ARPP21: variants seen among roughly 807,000 people sequenced by gnomAD.
ARPP21 encodes cAMP-regulated phosphoprotein 21.
In ARPP21, 69 loss-of-function variants were observed where a neutral mutation model predicts 113.2. That is an observed-to-expected ratio of 0.61 (90% CI 0.50 to 0.74). The LOEUF is 0.74. Ranked by LOEUF, ARPP21 falls within the 30% of genes least tolerant of loss-of-function variation. The pLI, the probability that ARPP21 is intolerant of heterozygous loss-of-function variation, is 0.00. For synonymous variants in ARPP21, 368 were observed against 375.5 expected (o/e 0.98, Z 0.23); for missense variants, 1,070 against 1,037.4 (o/e 1.03, Z -0.43).
At chr3:35,699,151 A>G (rs1339192511) in intron 9 of ARPP21, among the ~76,000 whole-genome samples, 4 of 151,592 alleles carry the variant, frequency 2.6e-5, no homozygotes, top group Non-Finnish European at 5.9e-5. Context: ...GTGTAAATAC[A>G]TACTACGTAT....
chr3:35,737,464 T>C, intron 16 of ARPP21, 102 bp downstream of exon 16: 1 of 715,722 alleles, frequency 1.4e-6, no homozygotes, highest in Non-Finnish European at 2.1e-6. Context: ...TATTTTACAC[T>C]CAAGCCTCAC....
At chr3:35,774,800 G>A (rs1314695711) in intron 19 of ARPP21, 3 of 152,134 alleles carry the variant, frequency 2.0e-5, no homozygotes, top group Non-Finnish European at 4.4e-5. Flanking sequence ...ACTTTTGTAT[G>A]TGGCTAGGTA....
chr3:35,656,573 G>A (rs1705038646), intron 1 of ARPP21, among the ~76,000 whole-genome samples: 1 of 151,994 alleles, frequency 6.6e-6, no homozygotes, highest in Non-Finnish European at 1.5e-5. Context: ...AGTCATTGCA[G>A]ACTGTATGAT....
chr3:35,762,216 G>A (rs1376302670), intron 19 of ARPP21, among the ~76,000 whole-genome samples: 1 of 148,892 alleles, frequency 6.7e-6, no homozygotes, highest in Non-Finnish European at 1.5e-5. Flanking sequence ...AGAGTCAATT[G>A]TTATTCTTCA....
chr3:35,724,538 C>T (rs533987267), intron 14 of ARPP21, among the ~76,000 whole-genome samples: 5 of 152,142 alleles, frequency 3.3e-5, no homozygotes. Flanking sequence ...TGGGATGGGG[C>T]CTGAGAATTT....
intron 1 of ARPP21, among the ~76,000 whole-genome samples, chr3:35,659,471 A>C (rs1374270958): frequency 5.3e-5 from 8 of 152,192 alleles, no homozygotes; most frequent in African/African-American, 1.9e-4. Flanking sequence ...ACATGCATTC[A>C]TTTCCTATTG....
At position 35,738,311 on chromosome 3, in the gene ARPP21, T is replaced by G; in HGVS notation, c.1742T>G (p.Phe581Cys). 1 of 1,528,244 alleles carries G rather than the reference T, an allele frequency of 6.5e-7. No individual in the cohort carries two copies. The highest frequency in any genetic ancestry group is 8.8e-7 in the Non-Finnish European group (1 of 1,139,610). 94.7% of individuals were successfully genotyped at this position (1,528,244 alleles called of 1,614,324 possible). A position where few individuals can be genotyped will look rare whatever the true frequency, so the allele number is the denominator to read the frequency against. The change falls in exon 17 of 21, where the codon TTT becomes TGT. Residue 581 changes from phenylalanine to cysteine, a missense_variant. Transcript: ENST00000684406. ...HLLPVSPTQHFPMRDDVATQF... is the reference protein window; with the variant it reads ...HLLPVSPTQHCPMRDDVATQF... The stretch of plus-strand genomic sequence containing the variant: ...CTACCTGTGTCTCCAACGCAGCACT[T>G]TCCCATGGTACTGTATTATGTGTAT...
At chr3:35,735,127 T>C (rs916620236) in intron 15 of ARPP21, among the ~76,000 whole-genome samples, 2 of 152,186 alleles carry the variant, frequency 1.3e-5, no homozygotes, top group Admixed American at 6.5e-5. Context: ...TCCTTTTTTA[T>C]TTTTCTTTTT....
intron 1 of ARPP21, among the ~76,000 whole-genome samples, chr3:35,656,784 G>C (rs1348880672): frequency 1.3e-5 from 2 of 151,852 alleles, no homozygotes; most frequent in African/African-American, 4.8e-5. Context: ...AAACCATACA[G>C]CCCCTAAAAA....
Position 35,728,159 on chromosome 3 carries a change from T to C in ARPP21, c.1226-1144T>C, listed in dbSNP as rs1181395908. On this transcript the variant is annotated intron_variant, in intron 14 of 20. Coordinates refer to ENST00000684406, the MANE Select transcript of ARPP21 (RefSeq NM_001385562.1). ...ACACTTAAATATATTACATTAATAA[T>C]AATAATAATAATAATAATAATAATA... is the stretch of plus-strand genomic sequence containing the variant. Among the ~76,000 whole-genome samples, 5 of 89,602 alleles carry C rather than the reference T, an allele frequency of 5.6e-5. No individual in the cohort carries two copies. The East Asian group carries it at 1.2e-3, about 21-fold the overall frequency. The allele number at this position is 89,602 out of a possible 152,430, so 58.8% of individuals were successfully genotyped here. A position where few individuals can be genotyped will look rare whatever the true frequency, so the allele number is the denominator to read the frequency against.
Position 35,683,826 on chromosome 3 carries a change from T to C in ARPP21, c.261+11T>C. On this transcript the variant is annotated intron_variant, in intron 5 of 20. Coordinates refer to ENST00000684406, the MANE Select transcript of ARPP21 (RefSeq NM_001385562.1). ...AGTCTTCAGGATCAGGTATATCCCC[T>C]TGCCATTATCATTAATTGCATGAAT... 7.7e-7 allele frequency: 1 copy of C among 1,292,198 alleles called. No homozygotes were observed. The highest frequency in any genetic ancestry group is 1.1e-6 in the Non-Finnish European group (1 of 888,442). The allele number at this position is 1,292,198 out of a possible 1,614,324, so 80.0% of individuals were successfully genotyped here.
At chr3:35,657,695 C>T (rs1452932949) in intron 1 of ARPP21, among the ~76,000 whole-genome samples, 3 of 152,044 alleles carry the variant, frequency 2.0e-5, no homozygotes, top group African/African-American at 7.2e-5. Context: ...CTTCAGAGTC[C>T]ATGCAGATAG....
In ARPP21 at chr3:35,698,892, A is replaced by G. The variant is rs998159554; in HGVS notation, c.686+7887A>G. 7.9e-5 allele frequency among the ~76,000 whole-genome samples: 12 copies of G among 151,666 alleles called. 1 individual carries two copies. The highest frequency in any genetic ancestry group is 2.2e-4 in the African/African-American group (9 of 41,396). ...AAAAAAAAGTCTCCAGAATCACCGG[A>G]CACACTGGATTCACAATTGCCTTGG... On this transcript the variant is annotated intron_variant, in intron 9 of 20. Transcript: ENST00000684406.
chr3:35,689,520 T>C lies in ARPP21; in HGVS notation c.485+135T>C, dbSNP rs2081604386. On this transcript the variant is annotated intron_variant, in intron 7 of 20. Transcript: ENST00000684406. The stretch of plus-strand genomic sequence containing the variant: ...CCCTGACGTCTTAAACTGTCTCCTG[T>C]ATTTTTTTTCTACTAATCGTTTGCA... 5 of 585,876 alleles carry C rather than the reference T, an allele frequency of 8.5e-6. No individual in the cohort carries two copies. In the South Asian group the frequency reaches 9.3e-5, roughly 11 times the overall value. The allele number at this position is 585,876 out of a possible 1,614,324, so 36.3% of individuals were successfully genotyped here. A position where few individuals can be genotyped will look rare whatever the true frequency, so the allele number is the denominator to read the frequency against.
chr3:35,673,144 T>C (rs547082888), intron 1 of ARPP21, among the ~76,000 whole-genome samples: 1 of 152,060 alleles, frequency 6.6e-6, no homozygotes, highest in Non-Finnish European at 1.5e-5. Flanking sequence ...AGAGCTGCCC[T>C]ATATAACTGG....
intron 1 of ARPP21, among the ~76,000 whole-genome samples, chr3:35,646,124 C>T (rs1700129720): frequency 6.6e-6 from 1 of 152,006 alleles, no homozygotes; most frequent in African/African-American, 2.4e-5. Context: ...AATCGAGCCA[C>T]TGGTCAATAG....
intron 19 of ARPP21, among the ~76,000 whole-genome samples, chr3:35,760,936 G>A (rs1333495954): frequency 1.3e-5 from 2 of 152,044 alleles, no homozygotes; most frequent in African/African-American, 4.8e-5. Context: ...CAGTTTTTGT[G>A]GGAAGAGTGC....
intron 19 of ARPP21, among the ~76,000 whole-genome samples, chr3:35,752,620 A>G (rs574507968): frequency 1.3e-5 from 2 of 152,202 alleles, no homozygotes; most frequent in African/African-American, 4.8e-5. Flanking sequence ...TTTAATGTGC[A>G]TGGAAACCCA....
At chr3:35,639,044 G>C (rs1176332161), upstream of ARPP21, 1 of 152,254 alleles carries the variant, frequency 6.6e-6, no homozygotes, top group Non-Finnish European at 1.5e-5. The surrounding 1 kb of genome is among the most constrained non-coding windows in gnomAD (Gnocchi z 5.0). Context: ...ACGCTGGAGG[G>C]CCTGGGCACG....
Sources: allele counts gnomAD v4.1 joint callset (sites outside exome capture counted in the v4.1 genomes callset), GRCh38; gene constraint gnomAD v4.1.1; non-coding constraint Gnocchi (gnomAD v3.1); transcripts MANE v1.5; gene names NCBI Gene and HGNC (gene_info 2026-07-23, HGNC 2026-07-21).